Variants in RCAN2 observed in about 807,000 individuals in gnomAD.
The protein encoded by RCAN2 is regulator of calcineurin 2.
Under a neutral mutation model 23.6 loss-of-function variants are expected in RCAN2, and 9 were observed. The ratio of observed to expected loss-of-function variants is 0.38; its 90% confidence interval spans 0.23 to 0.67. The LOEUF (loss-of-function observed/expected upper bound fraction) is 0.67, where lower values mean the gene tolerates loss of function less well. Ranked by LOEUF, RCAN2 falls within the 30% of genes least tolerant of loss-of-function variation. The probability of loss-of-function intolerance (pLI) is 0.51; values close to 1 mark genes in which losing one functional copy is unlikely to be tolerated. For synonymous variants in RCAN2, 109 were observed against 115.7 expected (o/e 0.94, Z 0.37); for missense variants, 273 against 302.3 (o/e 0.90, Z 0.72).
chr6:46,286,284 T>C (rs925608986), intron 2 of RCAN2, among the ~76,000 whole-genome samples: 2 of 152,212 alleles, frequency 1.3e-5, no homozygotes, highest in South Asian at 4.1e-4. Flanking sequence ...TTTCTGTTTG[T>C]CATTTTCTTT....
chr6:46,240,951 A>C (rs956212089), intron 4 of RCAN2, among the ~76,000 whole-genome samples: 5 of 152,328 alleles, frequency 3.3e-5, no homozygotes, highest in Middle Eastern at 3.4e-3. Flanking sequence ...CTCTGCAGTT[A>C]ACTAAAATTG....
intron 2 of RCAN2, among the ~76,000 whole-genome samples, chr6:46,418,153 A>G (rs377244243): frequency 6.6e-6 from 1 of 152,326 alleles, no homozygotes; most frequent in East Asian, 1.9e-4. Context: ...TTATCTTAAC[A>G]AAATATCTTA....
At chr6:46,344,322 A>G (rs1156353494) in intron 2 of RCAN2, among the ~76,000 whole-genome samples, 1 of 152,200 alleles carries the variant, frequency 6.6e-6, no homozygotes, top group Non-Finnish European at 1.5e-5. Context: ...CCCTCTAGAA[A>G]TGATTTTTTT....
At chr6:46,247,042 T>C in intron 3 of RCAN2, 123 bp from the exon 4 acceptor site, 1 of 753,740 alleles carries the variant, frequency 1.3e-6, no homozygotes, top group South Asian at 2.1e-5. Flanking sequence ...CCGACCGTAA[T>C]AATAATTACC....
chr6:46,359,310 C>T (rs927076789), intron 2 of RCAN2, among the ~76,000 whole-genome samples: 1 of 152,122 alleles, frequency 6.6e-6, no homozygotes, highest in African/African-American at 2.4e-5. Context: ...AATTATCAGC[C>T]CCACAGCTTT....
intron 1 of RCAN2, among the ~76,000 whole-genome samples, chr6:46,462,998 C>A (rs1228694789): frequency 1.3e-5 from 2 of 152,066 alleles, no homozygotes; most frequent in Admixed American, 1.3e-4. Flanking sequence ...AACCTGGGAG[C>A]CACAGAAAGA....
At chr6:46,432,255 C>G (rs551170329) in intron 2 of RCAN2, among the ~76,000 whole-genome samples, 4 of 151,974 alleles carry the variant, frequency 2.6e-5, no homozygotes, top group African/African-American at 9.7e-5. Flanking sequence ...CTCTTGCTGC[C>G]CAGGCTGGTG....
intron 2 of RCAN2, among the ~76,000 whole-genome samples, chr6:46,432,965 A>C (rs1351295226): frequency 6.6e-6 from 1 of 152,198 alleles, no homozygotes; most frequent in Non-Finnish European, 1.5e-5. Flanking sequence ...ATCTTTAAGT[A>C]CATTATTATT....
At chr6:46,325,288 T>C (rs957958623) in intron 2 of RCAN2, 2 of 1,259,932 alleles carry the variant, frequency 1.6e-6, no homozygotes, top group Admixed American at 4.5e-5. Context: ...GCGCAGACTA[T>C]GAGCTGAAAA....
intron 2 of RCAN2, among the ~76,000 whole-genome samples, chr6:46,389,921 G>A (rs866761746): frequency 3.4e-4 from 52 of 150,936 alleles, no homozygotes; most frequent in African/African-American, 1.1e-3. Context: ...TCTGTAAGAA[G>A]AAGTAATTTT....
Position 46,252,426 on chromosome 6 carries a change from G to A in RCAN2, c.226-3530C>T, listed in dbSNP as rs1766762143. 2.0e-5 allele frequency among the ~76,000 whole-genome samples: 3 copies of A among 152,156 alleles called. No individual in the cohort carries two copies. In the South Asian group the frequency reaches 6.2e-4, roughly 32 times the overall value. ...TCGTTAGTTCTCTTTGTAGCATCCTGTTTGAATAAAGTTCCACAGCAGCGA... is the reference window on the plus strand; with the variant it reads ...TCGTTAGTTCTCTTTGTAGCATCCTATTTGAATAAAGTTCCACAGCAGCGA... On this transcript the variant is annotated intron_variant, in intron 2 of 4. Transcript: ENST00000371374.
chr6:46,425,249 TA>T (rs1360852612), intron 2 of RCAN2, among the ~76,000 whole-genome samples: 7 of 152,220 alleles, frequency 4.6e-5, no homozygotes, highest in Admixed American at 2.0e-4. Flanking sequence ...TTTACTGTAT[TA>T]AAAATTTGAG....
chr6:46,386,563 G>A (rs147425762), intron 2 of RCAN2, among the ~76,000 whole-genome samples: 2,562 of 143,518 alleles, frequency 0.018, 69 homozygotes, highest in African/African-American at 0.055. Context: ...AGCCGAGATC[G>A]CGCCACTGTA....
At chr6:46,467,133 T>C (rs1768407944) in intron 1 of RCAN2, among the ~76,000 whole-genome samples, 1 of 152,180 alleles carries the variant, frequency 6.6e-6, no homozygotes, top group Admixed American at 6.5e-5. Flanking sequence ...TTATTTCTTA[T>C]CTTCCACCCA....
intron 2 of RCAN2, among the ~76,000 whole-genome samples, chr6:46,278,811 C>T (rs952919505): frequency 6.6e-6 from 1 of 152,110 alleles, no homozygotes; most frequent in Non-Finnish European, 1.5e-5. Flanking sequence ...TCTCTGGAAC[C>T]CTGTTGCAAA....
At chr6:46,298,902 A>G (rs1403010865) in intron 2 of RCAN2, among the ~76,000 whole-genome samples, 2 of 152,278 alleles carry the variant, frequency 1.3e-5, no homozygotes, top group Non-Finnish European at 1.5e-5. Flanking sequence ...TGTGCTTTAT[A>G]TACCCCATGG....
intron 1 of RCAN2, among the ~76,000 whole-genome samples, chr6:46,484,811 C>G (rs1394243029): frequency 3.9e-5 from 6 of 152,220 alleles, no homozygotes; most frequent in Non-Finnish European, 5.9e-5. Flanking sequence ...TCATCTTCAA[C>G]TCCCTAAAAG....
chr6:46,241,426 C>T (rs1766300676), intron 4 of RCAN2, among the ~76,000 whole-genome samples: 2 of 152,136 alleles, frequency 1.3e-5, no homozygotes, highest in African/African-American at 4.8e-5. Context: ...TTTATAGAGA[C>T]AATAACTGCC....
intron 2 of RCAN2, among the ~76,000 whole-genome samples, chr6:46,357,830 T>C (rs1189694111): frequency 6.6e-6 from 1 of 152,124 alleles, no homozygotes; most frequent in Non-Finnish European, 1.5e-5. Flanking sequence ...ATGCAGACAA[T>C]ATAAAGAAGC....
Sources: gnomAD v4.1 joint callset for allele counts (sites outside exome capture counted in the v4.1 genomes callset) on GRCh38, gnomAD v4.1.1 for gene constraint, MANE v1.5 for transcripts, NCBI Gene and HGNC (gene_info 2026-07-23, HGNC 2026-07-21) for gene names.